Variants in COMT observed in about 807,000 individuals in gnomAD.
COMT encodes the protein catechol O-methyltransferase.
Under a neutral mutation model 18.9 loss-of-function variants are expected in COMT, and 13 were observed. The observed-to-expected ratio is 0.69, with a 90% confidence interval of 0.45 to 1.09. COMT has a LOEUF of 1.09. Ranked by LOEUF, COMT falls within the 50% of genes least tolerant of loss-of-function variation. The pLI, the probability that COMT is intolerant of heterozygous loss-of-function variation, is 0.00. For missense variants in COMT, 329 were observed against 361.8 expected (o/e 0.91, Z 0.73); for synonymous variants, 150 against 160.9 (o/e 0.93, Z 0.51).
chr22:19,959,272 G>A (rs1050791725), intron 1 of COMT, among the ~76,000 whole-genome samples: 1 of 152,234 alleles, frequency 6.6e-6, no homozygotes, highest in South Asian at 2.1e-4. Context: ...CCTGATTCTC[G>A]GCTTTTCAGG....
Position 19,964,803 on chromosome 22 carries a change from G to A in COMT, c.615+504G>A, listed in dbSNP as rs938801139. 19 of 324,892 alleles carry A rather than the reference G, an allele frequency of 5.8e-5. 1 individual carries two copies. The highest frequency in any genetic ancestry group is 5.7e-4 in the South Asian group (17 of 29,670). 20.1% of individuals were successfully genotyped at this position (324,892 alleles called of 1,614,324 possible). ...AGTGCCCCGAGTGAGGCTAGACAGCGGGTGGGGCTGTCCTCGCTTCCCTGG... is the reference window on the plus strand; with the variant it reads ...AGTGCCCCGAGTGAGGCTAGACAGCAGGTGGGGCTGTCCTCGCTTCCCTGG... On this transcript the variant is annotated intron_variant, in intron 5 of 5. Coordinates refer to ENST00000361682, the MANE Select transcript of COMT (RefSeq NM_000754.4).
intron 1 of COMT, among the ~76,000 whole-genome samples, chr22:19,947,061 G>A (rs942095662): frequency 6.6e-6 from 1 of 151,794 alleles, no homozygotes; most frequent in South Asian, 2.1e-4. Context: ...GATTACAGGT[G>A]TGCACCATCA....
At chr22:19,962,850 A>G (rs1942230579) in intron 3 of COMT, 35 bp downstream of exon 3, 1 of 1,582,046 alleles carries the variant, frequency 6.3e-7, no homozygotes, top group Admixed American at 1.7e-5. Flanking sequence ...CAGCTCTGGG[A>G]CAGGGACCCA....
intron 5 of COMT, chr22:19,964,565 G>C (rs569273534): frequency 9.9e-5 from 62 of 628,482 alleles, no homozygotes; most frequent in Non-Finnish European, 1.7e-4. Context: ...AAAATGGGTG[G>C]CAGAAGTGGG....
Position 19,969,149 on chromosome 22 carries a change from G to C in COMT, c.*413G>C, listed in dbSNP as rs1028143667. 1.6e-5 allele frequency: 3 copies of C among 192,984 alleles called. No individual in the cohort carries two copies. Among genetic ancestry groups the C allele is most frequent in the African/African-American group, 2.4e-5 (1 of 41,990 alleles). The allele number at this position is 192,984 out of a possible 1,614,324, so 12.0% of individuals were successfully genotyped here. A position where few individuals can be genotyped will look rare whatever the true frequency, so the allele number is the denominator to read the frequency against. On this transcript the variant is annotated 3_prime_UTR_variant, in exon 6 of 6. Coordinates refer to ENST00000361682, the MANE Select transcript of COMT (RefSeq NM_000754.4). ...AAGGGCGGGGCCCCTAGCTGGCTGGGTTCTGGGTGGCACGCCTGGCCCACT... is the reference window on the plus strand; with the variant it reads ...AAGGGCGGGGCCCCTAGCTGGCTGGCTTCTGGGTGGCACGCCTGGCCCACT...
chr22:19,948,293 G>A (rs1941872885), intron 1 of COMT, among the ~76,000 whole-genome samples: 1 of 152,038 alleles, frequency 6.6e-6, no homozygotes, highest in South Asian at 2.1e-4. Flanking sequence ...CTCTTATAAG[G>A]TCACAGGACA....
Position 19,952,440 on chromosome 22 carries a change from C to T in COMT, c.-91-8759C>T, listed in dbSNP as rs576283005. The stretch of plus-strand genomic sequence containing the variant: ...GGATCATGAGGTCAGGAGATCGAGA[C>T]CATCCTGGCTAACATGGTGAAACCC... On this transcript the variant is annotated intron_variant, in intron 1 of 5. Transcript: ENST00000361682. 2.6e-5 allele frequency among the ~76,000 whole-genome samples: 4 copies of T among 152,084 alleles called. No homozygotes were observed. The South Asian group carries it at 8.3e-4, about 32-fold the overall frequency.
chr22:19,956,619 G>A (rs1482487181), intron 1 of COMT, among the ~76,000 whole-genome samples: 1 of 152,130 alleles, frequency 6.6e-6, no homozygotes, highest in Non-Finnish European at 1.5e-5. Context: ...CTTGTGGTCT[G>A]CCCGCCTTGG....
chr22:19,966,376 C>T (rs9332370), intron 5 of COMT, among the ~76,000 whole-genome samples: 6,548 of 150,718 alleles, frequency 0.043, 177 homozygotes, highest in East Asian at 0.053. Context: ...GCCTCTCCAC[C>T]GGGCTGCTGT....
chr22:19,949,883 T>TTA, intron 1 of COMT, among the ~76,000 whole-genome samples: 1 of 152,342 alleles, frequency 6.6e-6, no homozygotes, highest in South Asian at 2.1e-4. Flanking sequence ...TATATCCTTT[T>TTA]TATAGTACAA....
Position 19,963,723 on chromosome 22 carries a change from C to A in COMT, c.447C>A (p.Thr149=). 6.2e-7 allele frequency: 1 copy of A among 1,612,814 alleles called. No homozygotes were observed. The highest frequency in any genetic ancestry group is 8.5e-7 in the Non-Finnish European group (1 of 1,179,998). The change falls in exon 4 of 6, where the codon ACC becomes ACA. Residue 149 remains threonine, a synonymous_variant. Coordinates refer to ENST00000361682, the MANE Select transcript of COMT (RefSeq NM_000754.4). ...TCAACCCCGACTGTGCCGCCATCAC[C>A]CAGCGGATGGTGGATTTCGCTGGCG... ...IEINPDCAAI[T]QRMVDFAGVK... is the part of the protein sequence containing the mutation.
At chr22:19,967,348 G>A (rs531216737) in intron 5 of COMT, 43 of 593,198 alleles carry the variant, frequency 7.2e-5, no homozygotes, top group Non-Finnish European at 1.0e-4. Flanking sequence ...TCCTCCTCCC[G>A]GGTGGCGCTT....
chr22:19,959,537 C>A (rs182242505), intron 1 of COMT, among the ~76,000 whole-genome samples: 2 of 145,158 alleles, frequency 1.4e-5, no homozygotes, highest in African/African-American at 5.0e-5. Context: ...GGAGGCCCTA[C>A]GGGGCTGGGG....
At chr22:19,953,646 G>C (rs1231168980) in intron 1 of COMT, among the ~76,000 whole-genome samples, 1 of 152,102 alleles carries the variant, frequency 6.6e-6, no homozygotes, top group Non-Finnish European at 1.5e-5. Flanking sequence ...TCCCAGGCAG[G>C]GCAGGCTCCC....
At chr22:19,961,658 G>T (rs1942194374) in intron 2 of COMT, 1 of 152,244 alleles carries the variant, frequency 6.6e-6, no homozygotes, top group Non-Finnish European at 1.5e-5. Context: ...TGAGCACAGG[G>T]GCCCTAGAAG....
At position 19,968,654 on chromosome 22, in the gene COMT, A is replaced by G. The variant is rs1942568510; in HGVS notation, c.734A>G (p.Gln245Arg). 1.9e-6 allele frequency: 3 copies of G among 1,614,090 alleles called. No individual in the cohort carries two copies. Among genetic ancestry groups the G allele is most frequent in the Non-Finnish European group, 2.5e-6 (3 of 1,180,010 alleles). Residue 245 changes from glutamine (Q) to arginine (R), a missense_variant, in exon 6 of 6, where the codon CAA becomes CGA. Gln to Arg is a conservative substitution (Grantham distance 43). Coordinates refer to ENST00000361682, the MANE Select transcript of COMT (RefSeq NM_000754.4). Reference sequence around the variant, plus strand: ...AGCTGCTTTGAGTGCACACACTACCAATCGTTCCTGGAATACAGGGAGGTG... The same window carrying G: ...AGCTGCTTTGAGTGCACACACTACCGATCGTTCCTGGAATACAGGGAGGTG... ...GSSCFECTHYQSFLEYREVVD... is the reference protein window; with the variant it reads ...GSSCFECTHYRSFLEYREVVD...
chr22:19,963,386 G>A, intron 3 of COMT, 180 bp from the exon 4 acceptor site: 1 of 690,172 alleles, frequency 1.4e-6, no homozygotes, highest in Non-Finnish European at 2.5e-6. Context: ...TGGGGGCTGG[G>A]GACACCAGGG....
At chr22:19,966,323 C>T (rs1404890172) in intron 5 of COMT, among the ~76,000 whole-genome samples, 1 of 151,574 alleles carries the variant, frequency 6.6e-6, no homozygotes, top group African/African-American at 2.4e-5. Context: ...GTGAGGGGCT[C>T]AGGAGCAGGT....
chr22:19,967,705 T>C, intron 5 of COMT: 1 of 261,440 alleles, frequency 3.8e-6, no homozygotes, highest in Non-Finnish European at 7.6e-6. Context: ...GATTGCTTGT[T>C]AACTTTTGTT....
Sources: allele counts gnomAD v4.1 joint callset (sites outside exome capture counted in the v4.1 genomes callset), GRCh38; gene constraint gnomAD v4.1.1; transcripts MANE v1.5; gene names NCBI Gene and HGNC (gene_info 2026-07-23, HGNC 2026-07-21).